Variants in COL4A6 observed in about 807,000 individuals in gnomAD.
COL4A6 encodes collagen type IV alpha 6 chain, also known as collagen alpha-6(IV) chain.
In COL4A6, 59 loss-of-function variants were observed where a neutral mutation model predicts 126.7. The observed-to-expected ratio is 0.47, with a 90% CI of 0.38 to 0.58. COL4A6 has a LOEUF of 0.58. Among genes scored for constraint, COL4A6 ranks in the 20% least tolerant of loss-of-function variants. The pLI is 0.00. For missense variants in COL4A6, 1,285 were observed against 1,337.3 expected (o/e 0.96, Z 0.61); for synonymous variants, 547 against 496.6 (o/e 1.10, Z -1.35).
chrX:108,283,522 G>A (rs764724192), intron 3 of COL4A6, among the ~76,000 whole-genome samples: 6 of 111,281 alleles, frequency 5.4e-5, no homozygotes, highest in East Asian at 5.7e-4. Flanking sequence ...GTTTGCCTTA[G>A]AGCATCTGTA....
At chrX:108,289,422 G>T (rs749187833) in intron 3 of COL4A6, among the ~76,000 whole-genome samples, 3 of 111,232 alleles carry the variant, frequency 2.7e-5, no homozygotes, top group Non-Finnish European at 5.7e-5. Flanking sequence ...AACAATTGGT[G>T]AATCTAGGTG....
chrX:108,275,224 A>C (rs775157605), intron 3 of COL4A6, among the ~76,000 whole-genome samples: 1 of 111,795 alleles, frequency 8.9e-6, no homozygotes, highest in South Asian at 3.8e-4. Context: ...GTAAATAAGG[A>C]AGAAAGGAAG....
intron 3 of COL4A6, among the ~76,000 whole-genome samples, chrX:108,229,473 G>T (rs1251353971): frequency 8.9e-6 from 1 of 111,799 alleles, no homozygotes; most frequent in African/African-American, 3.3e-5. Flanking sequence ...AGATTGCTGG[G>T]CTTCAGCTCC....
At chrX:108,348,033 C>T (rs1276098160) in intron 2 of COL4A6, among the ~76,000 whole-genome samples, 2 of 111,152 alleles carry the variant, frequency 1.8e-5, no homozygotes, top group East Asian at 2.8e-4. Context: ...AGGATGACCT[C>T]GGGTCTCAGA....
intron 2 of COL4A6, among the ~76,000 whole-genome samples, chrX:108,414,619 CAA>C (rs35601117): frequency 2.6e-5 from 2 of 77,448 alleles, no homozygotes; most frequent in Non-Finnish European, 2.4e-5. Context: ...GCCTCTCTCT[CAA>C]AAAAAAAAAA....
At chrX:108,322,671 C>CT (rs1026210262) in intron 2 of COL4A6, among the ~76,000 whole-genome samples, 4 of 112,099 alleles carry the variant, frequency 3.6e-5, no homozygotes, top group South Asian at 3.7e-4. Flanking sequence ...ACAGAAGCCT[C>CT]TTTTTCCTCT....
chrX:108,376,663 A>G (rs1053724657), intron 2 of COL4A6, among the ~76,000 whole-genome samples: 1 of 112,654 alleles, frequency 8.9e-6, no homozygotes, highest in Admixed American at 9.3e-5. Context: ...AGACAAAACA[A>G]AAAGTATAGA....
chrX:108,350,911 C>A, intron 2 of COL4A6, among the ~76,000 whole-genome samples: 1 of 111,718 alleles, frequency 9.0e-6, no homozygotes, highest in African/African-American at 3.3e-5. Context: ...CGAACCCTTT[C>A]CTTCTCAAGA....
rs2035071753 is a variant in COL4A6, at chrX:108,192,367, G to C, written c.1180+106C>G. On this transcript the variant is annotated intron_variant, in intron 18 of 44. Transcript: ENST00000334504. ...ACTGACTACAGTCTACCTCTTGTTT[G>C]ACTTTGGCTAGGTGTGTGCCCCGAC... The C allele has an allele frequency of 7.8e-6, 4 of 512,553 alleles. No individual in the cohort carries two copies. In the African/African-American group the frequency reaches 9.4e-5, roughly 12 times the overall value. The allele number at this position is 512,553 out of a possible 1,213,427, so 42.2% of individuals were successfully genotyped here.
intron 4 of COL4A6, 80 bp from the exon 5 acceptor site, chrX:108,219,822 A>G (rs1389792099): frequency 6.1e-6 from 5 of 822,850 alleles, no homozygotes; most frequent in Non-Finnish European, 9.1e-6. Context: ...ATGAGAGTCA[A>G]TGGCCTACAT....
chrX:108,351,436 C>CTGTGTGTGTG (rs1336858729), intron 2 of COL4A6, among the ~76,000 whole-genome samples: 77 of 82,239 alleles, frequency 9.4e-4, no homozygotes, highest in Non-Finnish European at 1.2e-3. Flanking sequence ...AGGTAACTCT[C>CTGTGTGTGTG]TCTCTCTGTG....
At position 108,175,683 on chromosome X, in the gene COL4A6, G is replaced by C; in HGVS notation, c.2801C>G (p.Ser934Cys). 7.5e-6 allele frequency: 9 copies of C among 1,207,970 alleles called. No homozygotes were observed. The highest frequency in any genetic ancestry group is 1.0e-5 in the Non-Finnish European group (9 of 892,715). The change falls in exon 29 of 45, where the codon TCT (serine) becomes TGT (cysteine). Residue 934 changes from serine to cysteine, a missense_variant. Ser to Cys is a moderately radical substitution (Grantham distance 112). Coordinates refer to ENST00000334504, the MANE Select transcript of COL4A6 (RefSeq NM_033641.4). ...IPGSTGKMGPSGRAGTPGEKG... is the reference protein window; with the variant it reads ...IPGSTGKMGPCGRAGTPGEKG... ...TTCACCAGGAGTACCAGCACGTCCA[G>C]ATGGTCCCATTTTTCCAGTTGATCC...
chrX:108,253,082 G>A (rs1281709421), intron 3 of COL4A6, among the ~76,000 whole-genome samples: 1 of 111,537 alleles, frequency 9.0e-6, no homozygotes, highest in East Asian at 2.8e-4. Context: ...TAAAAATCTG[G>A]AACAAGACAA....
intron 3 of COL4A6, among the ~76,000 whole-genome samples, chrX:108,285,716 G>C (rs983073023): frequency 4.7e-4 from 53 of 111,681 alleles, no homozygotes; most frequent in African/African-American, 1.7e-3. Context: ...CAGATCAACT[G>C]TATGCCCACC....
At chrX:108,278,729 G>A (rs1357941205) in intron 3 of COL4A6, among the ~76,000 whole-genome samples, 1 of 108,999 alleles carries the variant, frequency 9.2e-6, no homozygotes, top group Non-Finnish European at 1.9e-5. Context: ...AAAATGTTAA[G>A]GGCAGCCAGA....
chrX:108,223,999 G>A (rs750371524), intron 3 of COL4A6, among the ~76,000 whole-genome samples: 3 of 112,205 alleles, frequency 2.7e-5, no homozygotes, highest in Non-Finnish European at 5.6e-5. Context: ...CAGCTACTGA[G>A]AGAGCAGGTT....
At chrX:108,399,551 T>C (rs1378348776) in intron 2 of COL4A6, among the ~76,000 whole-genome samples, 2 of 111,273 alleles carry the variant, frequency 1.8e-5, no homozygotes, top group African/African-American at 3.3e-5. Context: ...AAGTTTTTAG[T>C]TGGATTGTTT....
chrX:108,194,844 C>G (rs1305876744), intron 15 of COL4A6, among the ~76,000 whole-genome samples: 1 of 111,812 alleles, frequency 8.9e-6, no homozygotes, highest in African/African-American at 3.3e-5. Context: ...TAGTCCCTGA[C>G]AGCATGCCAA....
Position 108,159,611 on chromosome X carries a change from C to T in COL4A6, c.4663G>A (p.Val1555Ile), listed in dbSNP as rs908480471. 4.6e-5 allele frequency: 56 copies of T among 1,212,031 alleles called. No individual in the cohort carries two copies. The highest frequency in any genetic ancestry group is 1.5e-4 in the Admixed American group (7 of 46,090). The change falls in exon 44 of 45, where the codon GTC becomes ATC. Residue 1555 changes from valine (V) to isoleucine (I), a missense_variant. Transcript: ENST00000334504. The part of the protein sequence containing the change: ...STTAPIPMMP[V>I]SQTQIPQYIS... ...TACTGGGGAATCTGGGTCTGGCTGACGGGCATCATGGGGATAGGGGCGGTA... is the reference window on the plus strand; with the variant it reads ...TACTGGGGAATCTGGGTCTGGCTGATGGGCATCATGGGGATAGGGGCGGTA...
Sources: allele counts gnomAD v4.1 joint callset (sites outside exome capture counted in the v4.1 genomes callset), GRCh38; gene constraint gnomAD v4.1.1; transcripts MANE v1.5; gene names NCBI Gene and HGNC (gene_info 2026-07-23, HGNC 2026-07-21).